The following DNAJC1 variants were observed in gnomAD, a reference collection of about 807,000 sequenced individuals.
DNAJC1 encodes the protein dnaJ homolog subfamily C member 1.
Under a neutral mutation model 76.6 loss-of-function variants are expected in DNAJC1, and 58 were observed. That is an observed-to-expected ratio of 0.76 (90% confidence interval 0.61 to 0.94). DNAJC1 has a LOEUF of 0.94. DNAJC1 is among the 40% of genes least tolerant of loss of function. The pLI, the probability that DNAJC1 is intolerant of heterozygous loss-of-function variation, is 0.00. For synonymous variants in DNAJC1, 258 were observed against 267.9 expected (o/e 0.96, Z 0.36); for missense variants, 689 against 677.3 (o/e 1.02, Z -0.19).
At chr10:21,796,139 T>C (rs1215438285) in intron 9 of DNAJC1, among the ~76,000 whole-genome samples, 2 of 151,794 alleles carry the variant, frequency 1.3e-5, no homozygotes, top group African/African-American at 2.4e-5. Context: ...CCAGCTAATT[T>C]TTGTATTTTT....
At chr10:21,918,752 A>G (rs1836993004) in intron 6 of DNAJC1, 27 bp downstream of exon 6, 1 of 1,514,468 alleles carries the variant, frequency 6.6e-7, no homozygotes, top group African/African-American at 1.4e-5. Flanking sequence ...AAAAGATCTA[A>G]TGTTATATAA....
At chr10:21,880,958 T>C (rs1442394913) in intron 8 of DNAJC1, among the ~76,000 whole-genome samples, 3 of 152,256 alleles carry the variant, frequency 2.0e-5, no homozygotes, top group Non-Finnish European at 4.4e-5. Context: ...CTGGTTGGTG[T>C]AGCCACCTTC....
intron 8 of DNAJC1, among the ~76,000 whole-genome samples, chr10:21,817,422 A>AT (rs1031540780): frequency 2.6e-4 from 39 of 151,724 alleles, no homozygotes; most frequent in African/African-American, 9.0e-4. Flanking sequence ...TAGTCCTTGT[A>AT]TTTTTTTTCC....
intron 8 of DNAJC1, among the ~76,000 whole-genome samples, chr10:21,878,407 T>TG (rs1185984758): frequency 6.6e-6 from 1 of 152,218 alleles, no homozygotes; most frequent in Non-Finnish European, 1.5e-5. Flanking sequence ...TGTGCTACAG[T>TG]TGATTTTACA....
At chr10:21,783,134 T>G (rs1051247610) in intron 9 of DNAJC1, among the ~76,000 whole-genome samples, 2 of 152,164 alleles carry the variant, frequency 1.3e-5, no homozygotes, top group African/African-American at 4.8e-5. Context: ...GATGACATGA[T>G]TGTATATTTA....
intron 6 of DNAJC1, among the ~76,000 whole-genome samples, chr10:21,912,934 T>G (rs891320707): frequency 2.0e-5 from 3 of 151,768 alleles, no homozygotes; most frequent in African/African-American, 7.3e-5. Flanking sequence ...GGGAGGATGC[T>G]TCCATTTATA....
rs187386665 is a variant in DNAJC1 at position 21,766,716 on chromosome 10, A to G, written c.1099-407T>C. 1.3e-4 allele frequency among the ~76,000 whole-genome samples: 20 copies of G among 152,260 alleles called. No homozygotes were observed. In the East Asian group the frequency reaches 3.9e-3, roughly 29 times the overall value. On this transcript the variant is annotated intron_variant, in intron 9 of 11. Transcript: ENST00000376980. ...CCGGGCATGGTGGCTCATGCCTGCA[A>G]TCCTAGCACTTTGGGAGGCCAAGGT...
At chr10:21,896,898 A>G (rs1836552910) in intron 7 of DNAJC1, among the ~76,000 whole-genome samples, 1 of 152,110 alleles carries the variant, frequency 6.6e-6, no homozygotes, top group Admixed American at 6.5e-5. Context: ...ACTCTTACAA[A>G]AGAGACTTCA....
rs368714957 is a variant in DNAJC1, at chr10:21,890,784, T to C, written c.821-8345A>G. ...GACTTAAATAAGGTCCAAAGTTTCA[T>C]AATACCCCTAAATGTCCAAATTTAA... On this transcript the variant is annotated intron_variant, in intron 7 of 11. Transcript: ENST00000376980. Among the ~76,000 whole-genome samples, 6 of 152,306 alleles carry C rather than the reference T, an allele frequency of 3.9e-5. No homozygotes were observed. The East Asian group carries it at 7.7e-4, about 20-fold the overall frequency.
chr10:21,766,194 T>A, intron 10 of DNAJC1, 67 bp downstream of exon 10: 1 of 1,167,502 alleles, frequency 8.6e-7, no homozygotes, highest in Non-Finnish European at 1.3e-6. Context: ...AAAGAAGTTA[T>A]TATAAAAAGG....
chr10:21,812,537 T>A (rs1834985316), intron 8 of DNAJC1, among the ~76,000 whole-genome samples: 2 of 152,122 alleles, frequency 1.3e-5, no homozygotes, highest in South Asian at 4.1e-4. Context: ...AATATTTTCT[T>A]CTGGTCTATA....
chr10:21,849,640 A>G (rs947711631), intron 8 of DNAJC1, among the ~76,000 whole-genome samples: 14 of 152,136 alleles, frequency 9.2e-5, no homozygotes, highest in Non-Finnish European at 1.9e-4. Context: ...ACTGATTTCC[A>G]AGTCTGACAA....
chr10:21,823,873 T>C (rs1006941178), intron 8 of DNAJC1, among the ~76,000 whole-genome samples: 1 of 152,152 alleles, frequency 6.6e-6, no homozygotes, highest in Non-Finnish European at 1.5e-5. Flanking sequence ...TAATATAAAC[T>C]ATATCAGTCT....
At chr10:21,774,209 A>C (rs981870289) in intron 9 of DNAJC1, among the ~76,000 whole-genome samples, 2 of 152,182 alleles carry the variant, frequency 1.3e-5, no homozygotes, top group African/African-American at 4.8e-5. Context: ...TAATAAATCA[A>C]GCACAGTAGT....
intron 8 of DNAJC1, among the ~76,000 whole-genome samples, chr10:21,867,522 C>A (rs901543832): frequency 6.6e-6 from 1 of 151,968 alleles, no homozygotes; most frequent in Non-Finnish European, 1.5e-5. Context: ...ACAAGGTGAT[C>A]GCGGGAGAAT....
chr10:21,799,254 A>G (rs1834784490), intron 9 of DNAJC1, among the ~76,000 whole-genome samples: 1 of 151,966 alleles, frequency 6.6e-6, no homozygotes, highest in Non-Finnish European at 1.5e-5. Context: ...TGTGGTTTCC[A>G]TGTTCTTTGT....
chr10:21,903,458 A>C (rs564421202), intron 7 of DNAJC1, among the ~76,000 whole-genome samples: 1 of 152,314 alleles, frequency 6.6e-6, no homozygotes, highest in East Asian at 1.9e-4. Flanking sequence ...AGTTGATCTG[A>C]ATATTATTTT....
At chr10:21,999,301 AATC>A (rs1352444386) in intron 1 of DNAJC1, among the ~76,000 whole-genome samples, 3 of 152,130 alleles carry the variant, frequency 2.0e-5, no homozygotes, top group Non-Finnish European at 4.4e-5. Flanking sequence ...ATCTTATTTG[AATC>A]ATCATCATCA....
intron 7 of DNAJC1, among the ~76,000 whole-genome samples, chr10:21,902,298 T>A (rs1442674617): frequency 6.6e-6 from 1 of 152,212 alleles, no homozygotes; most frequent in East Asian, 1.9e-4. Context: ...GATTTTTACA[T>A]AATCAGACAA....
Sources: gnomAD v4.1 joint callset for allele counts (sites outside exome capture counted in the v4.1 genomes callset) on GRCh38, gnomAD v4.1.1 for gene constraint, MANE v1.5 for transcripts, NCBI Gene and HGNC (gene_info 2026-07-23, HGNC 2026-07-21) for gene names.